The following ARHGAP26 variants were observed in gnomAD, a reference collection of about 807,000 sequenced individuals.
ARHGAP26 encodes Rho GTPase activating protein 26, also known as rho GTPase-activating protein 26.
Under a neutral mutation model 104.8 loss-of-function variants are expected in ARHGAP26, and 38 were observed. The ratio of observed to expected loss-of-function variants is 0.36; its 90% CI spans 0.28 to 0.48. The LOEUF (loss-of-function observed/expected upper bound fraction) is 0.48, where lower values mean the gene tolerates loss of function less well. Ranked by LOEUF, ARHGAP26 falls within the 20% of genes least tolerant of loss-of-function variation. The pLI is 0.99. For missense variants in ARHGAP26, 704 were observed against 947.9 expected, an observed-to-expected ratio of 0.74 and a Z score of 3.38; for synonymous variants, 341 against 340.0, an observed-to-expected ratio of 1.00 and a Z score of -0.03.
intron 17 of ARHGAP26, among the ~76,000 whole-genome samples, chr5:143,089,127 T>C (rs1487857202): frequency 6.6e-6 from 1 of 152,240 alleles, no homozygotes. Context: ...TAACAATCCC[T>C]CCTCTTGCAT....
intron 1 of ARHGAP26, among the ~76,000 whole-genome samples, chr5:142,839,461 C>T (rs552432570): frequency 1.8e-4 from 28 of 152,076 alleles, no homozygotes; most frequent in African/African-American, 5.8e-4. Flanking sequence ...TTGACAGAGA[C>T]GATACTTGAA....
At chr5:142,989,871 C>G (rs1325035721) in intron 11 of ARHGAP26, among the ~76,000 whole-genome samples, 1 of 152,216 alleles carries the variant, frequency 6.6e-6, no homozygotes, top group Non-Finnish European at 1.5e-5. Flanking sequence ...ACCTTTCTCT[C>G]TGGCTGCCCT....
rs141781741 is a variant in ARHGAP26, at chr5:143,091,586, G to A, written c.1539-29402G>A. ...TGCTTCCTGTATGACTTTTATACCAGATAAACTAAATTTCACCTTTATATT... is the reference window on the plus strand; with the variant it reads ...TGCTTCCTGTATGACTTTTATACCAAATAAACTAAATTTCACCTTTATATT... On this transcript the variant is annotated intron_variant, in intron 17 of 22. Coordinates refer to ENST00000645722, the MANE Select transcript of ARHGAP26 (RefSeq NM_001135608.3). Among the ~76,000 whole-genome samples, 428 of 152,224 alleles carry A rather than the reference G, an allele frequency of 2.8e-3. 3 individuals are homozygous for A. Among genetic ancestry groups the A allele is most frequent in the African/African-American group, 9.9e-3 (412 of 41,542 alleles).
intron 18 of ARHGAP26, among the ~76,000 whole-genome samples, chr5:143,123,978 C>T (rs1796431190): frequency 6.6e-6 from 1 of 152,168 alleles, no homozygotes; most frequent in African/African-American, 2.4e-5. Context: ...CACACACACA[C>T]ACACAAACAC....
intron 11 of ARHGAP26, among the ~76,000 whole-genome samples, chr5:143,007,390 A>T (rs1778145481): frequency 6.6e-6 from 1 of 152,086 alleles, no homozygotes; most frequent in Admixed American, 6.5e-5. Context: ...GTGGTTTTTA[A>T]TTACTGCCAC....
intron 17 of ARHGAP26, among the ~76,000 whole-genome samples, chr5:143,096,749 G>C (rs566859149): frequency 6.6e-6 from 1 of 151,260 alleles, no homozygotes; most frequent in Admixed American, 6.6e-5. Context: ...GTATAACTTG[G>C]TACCACTGTC....
At chr5:142,848,263 G>T (rs1410630673) in intron 1 of ARHGAP26, among the ~76,000 whole-genome samples, 1 of 152,196 alleles carries the variant, frequency 6.6e-6, no homozygotes, top group Non-Finnish European at 1.5e-5. Context: ...TCTGGACAGT[G>T]AATCTGATAC....
chr5:143,048,646 T>C (rs1230840023), intron 14 of ARHGAP26, among the ~76,000 whole-genome samples: 2 of 151,452 alleles, frequency 1.3e-5, no homozygotes, highest in African/African-American at 4.8e-5. Context: ...CCAGGTGCAG[T>C]GGCTCACACC....
intron 20 of ARHGAP26, among the ~76,000 whole-genome samples, chr5:143,164,246 A>G (rs916592831): frequency 6.6e-6 from 1 of 152,226 alleles, no homozygotes; most frequent in Non-Finnish European, 1.5e-5. Context: ...CCCTGAATCA[A>G]TGTAACCAGG....
intron 12 of ARHGAP26, among the ~76,000 whole-genome samples, chr5:143,023,194 G>T (rs1219790493): frequency 6.6e-6 from 1 of 152,212 alleles, no homozygotes. Flanking sequence ...TCTTTAGGCC[G>T]TCATTCAGAG....
chr5:142,814,836 G>T (rs1287203121), intron 1 of ARHGAP26, among the ~76,000 whole-genome samples: 2 of 152,198 alleles, frequency 1.3e-5, no homozygotes, highest in Non-Finnish European at 1.5e-5. Flanking sequence ...GTGACAATCA[G>T]ATGAGATAAT....
At chr5:143,080,643 G>T (rs972230090) in intron 17 of ARHGAP26, among the ~76,000 whole-genome samples, 2 of 152,244 alleles carry the variant, frequency 1.3e-5, no homozygotes, top group African/African-American at 4.8e-5. Flanking sequence ...AGTAAGATCT[G>T]TGTGGTACAA....
At chr5:142,892,800 A>G (rs1758846857) in intron 5 of ARHGAP26, among the ~76,000 whole-genome samples, 1 of 152,216 alleles carries the variant, frequency 6.6e-6, no homozygotes, top group Admixed American at 6.5e-5. Context: ...CACCTCGAAC[A>G]TTTATCATTT....
chr5:143,162,549 A>C (rs1298254392), intron 20 of ARHGAP26, among the ~76,000 whole-genome samples: 1 of 152,228 alleles, frequency 6.6e-6, no homozygotes, highest in Non-Finnish European at 1.5e-5. Flanking sequence ...CCCAGACAGC[A>C]GTCAGACTCT....
chr5:143,044,810 A>C (rs1341701176), intron 14 of ARHGAP26, among the ~76,000 whole-genome samples: 3 of 152,162 alleles, frequency 2.0e-5, no homozygotes, highest in Non-Finnish European at 4.4e-5. Flanking sequence ...TGGAGGAGGA[A>C]GTTGGTTGTA....
rs191009122 is a variant in ARHGAP26 at position 143,222,349 on chromosome 5, C to T, written c.2192-9C>T. The stretch of plus-strand genomic sequence containing the variant: ...ATCTCTTCTCGCTTTCTCTCCCCTT[C>T]CTGTACAGTTCACCCATCTCAGGAG... On this transcript the variant is annotated splice_polypyrimidine_tract_variant and intron_variant, in intron 22 of 22. Coordinates refer to ENST00000645722, the MANE Select transcript of ARHGAP26 (RefSeq NM_001135608.3). 1.6e-4 allele frequency: 259 copies of T among 1,584,490 alleles called. 2 individuals are homozygous for T. In the African/African-American group the frequency reaches 3.1e-3, roughly 19 times the overall value.
At chr5:143,063,664 C>T (rs1171388964) in intron 17 of ARHGAP26, among the ~76,000 whole-genome samples, 1 of 152,204 alleles carries the variant, frequency 6.6e-6, no homozygotes, top group Non-Finnish European at 1.5e-5. Context: ...TACCCACCTC[C>T]CTGCTCCATC....
chr5:143,088,765 T>C (rs116461606), intron 17 of ARHGAP26, among the ~76,000 whole-genome samples: 45 of 152,328 alleles, frequency 3.0e-4, no homozygotes, highest in African/African-American at 1.0e-3. Flanking sequence ...CTGACATATG[T>C]GATCCCTGCC....
intron 17 of ARHGAP26, among the ~76,000 whole-genome samples, chr5:143,097,834 A>AAAG (rs1468824856): frequency 2.6e-5 from 4 of 151,510 alleles, no homozygotes; most frequent in Non-Finnish European, 4.4e-5. Context: ...AAAAAAAAAA[A>AAAG]AAAGAAAATT....
Sources: gnomAD v4.1 joint callset for allele counts (sites outside exome capture counted in the v4.1 genomes callset) on GRCh38, gnomAD v4.1.1 for gene constraint, MANE v1.5 for transcripts, NCBI Gene and HGNC (gene_info 2026-07-23, HGNC 2026-07-21) for gene names.